RPTOR: variants seen among roughly 807,000 people sequenced by gnomAD.
RPTOR encodes the protein regulatory-associated protein of mTOR.
A neutral mutation model predicts 169.9 loss-of-function variants in RPTOR; 21 were observed. The observed-to-expected ratio is 0.12, with a 90% CI of 0.09 to 0.18. RPTOR has a LOEUF of 0.18. Among genes scored for constraint, RPTOR ranks in the 10% least tolerant of loss-of-function variants. The pLI is 1.00. For missense variants in RPTOR, 1,133 were observed against 1,855.9 expected (o/e 0.61, Z 7.16); for synonymous variants, 732 against 753.2 (o/e 0.97, Z 0.46).
At position 80,822,313 on chromosome 17, in the gene RPTOR, G is replaced by C; in HGVS notation, c.991+12G>C. On this transcript the variant is annotated intron_variant, in intron 8 of 33. Coordinates refer to ENST00000306801, the MANE Select transcript of RPTOR (RefSeq NM_020761.3). The stretch of plus-strand genomic sequence containing the variant: ...CGTGCTCCCCCGGGGTGAGGCGCGG[G>C]CCGGGCCTTGGGGAGGGAGGCTATG... 1 of 1,613,198 alleles carries C rather than the reference G, an allele frequency of 6.2e-7. No individual in the cohort carries two copies. Among genetic ancestry groups the C allele is most frequent in the Non-Finnish European group, 8.5e-7 (1 of 1,179,276 alleles).
intron 1 of RPTOR, among the ~76,000 whole-genome samples, chr17:80,613,969 A>G (rs1464454795): frequency 1.3e-5 from 2 of 152,376 alleles, no homozygotes; most frequent in South Asian, 2.1e-4. Flanking sequence ...GATCTTGGGA[A>G]GAAGGTTGGC....
intron 13 of RPTOR, among the ~76,000 whole-genome samples, chr17:80,866,837 C>T (rs538663241): frequency 2.6e-5 from 4 of 152,124 alleles, no homozygotes; most frequent in South Asian, 2.1e-4. Context: ...ACCTTGGCCT[C>T]CCAAAGTGCT....
chr17:80,833,660 G>A (rs911981345), intron 9 of RPTOR, among the ~76,000 whole-genome samples: 1 of 152,244 alleles, frequency 6.6e-6, no homozygotes, highest in Non-Finnish European at 1.5e-5. Context: ...ACAGATAAAT[G>A]TTCATTAGAG....
chr17:80,718,593 G>T (rs2066259093), intron 4 of RPTOR, among the ~76,000 whole-genome samples: 1 of 152,200 alleles, frequency 6.6e-6, no homozygotes, highest in Non-Finnish European at 1.5e-5. Flanking sequence ...AGAAGGCGGT[G>T]CTTGCTCGGG....
rs1448564549 is a variant in RPTOR at position 80,957,856 on chromosome 17, G to A, written c.3477+126G>A. ...CATCCCAGGGGTGGAGTCAGGGCCT[G>A]GGAGGACAGTGCCGGGACAATGCTG... On this transcript the variant is annotated intron_variant, in intron 29 of 33. Transcript: ENST00000306801. The surrounding 1 kb of genome is among the most constrained non-coding windows in gnomAD (Gnocchi z 4.6). 2 of 822,972 alleles carry A rather than the reference G, an allele frequency of 2.4e-6. No individual in the cohort carries two copies. Among genetic ancestry groups the A allele is most frequent in the Non-Finnish European group, 4.0e-6 (2 of 503,054 alleles). The allele number at this position is 822,972 out of a possible 1,614,324, so 51.0% of individuals were successfully genotyped here.
chr17:80,849,001 T>A (rs1178659723), intron 11 of RPTOR, among the ~76,000 whole-genome samples: 1 of 152,204 alleles, frequency 6.6e-6, no homozygotes, highest in Middle Eastern at 3.2e-3. Context: ...GAGGGTCTGT[T>A]TCCTGGCTGT....
chr17:80,649,576 C>A (rs2065623433), intron 3 of RPTOR, among the ~76,000 whole-genome samples: 1 of 152,072 alleles, frequency 6.6e-6, no homozygotes, highest in African/African-American at 2.4e-5. Context: ...TAATTCAGTA[C>A]CTGGTGTGAA....
intron 13 of RPTOR, among the ~76,000 whole-genome samples, chr17:80,875,047 G>A (rs181664687): frequency 6.6e-6 from 1 of 152,332 alleles, no homozygotes; most frequent in African/African-American, 2.4e-5. Context: ...TCATCATCCT[G>A]CCTCCTTATG....
chr17:80,578,956 T>C (rs1599569724), intron 1 of RPTOR, among the ~76,000 whole-genome samples: 1 of 152,260 alleles, frequency 6.6e-6, no homozygotes, highest in Non-Finnish European at 1.5e-5. Context: ...AGGTTTGAAC[T>C]TCATGTGGTA....
intron 10 of RPTOR, among the ~76,000 whole-genome samples, chr17:80,840,024 ATTGG>A (rs1165286447): frequency 6.6e-6 from 1 of 152,152 alleles, no homozygotes; most frequent in African/African-American, 2.4e-5. Flanking sequence ...TTTTAATCTT[ATTGG>A]AGGTGTAACT....
intron 22 of RPTOR, 32 bp downstream of exon 22, chr17:80,922,859 T>C: frequency 6.5e-7 from 1 of 1,528,256 alleles, no homozygotes. Context: ...TGCAGGTCCG[T>C]GGTGGTGACC....
Position 80,833,757 on chromosome 17 carries a change from C to T in RPTOR, c.1137-4165C>T, listed in dbSNP as rs140440545. Among the ~76,000 whole-genome samples the T allele has an allele frequency of 4.2e-3, 639 of 152,264 alleles. 2 individuals carry two copies. Among genetic ancestry groups the T allele is most frequent in the African/African-American group, 0.014 (593 of 41,566 alleles). ...GTAATCCCAGCACTTTGGGAGGCCA[C>T]GGCAGGCAGATCACCTGAGGTCAGG... is the stretch of plus-strand genomic sequence containing the variant. On this transcript the variant is annotated intron_variant, in intron 9 of 33. Coordinates refer to ENST00000306801, the MANE Select transcript of RPTOR (RefSeq NM_020761.3).
At chr17:80,632,334 C>T (rs1170957171) in intron 2 of RPTOR, among the ~76,000 whole-genome samples, 6 of 152,180 alleles carry the variant, frequency 3.9e-5, no homozygotes, top group Admixed American at 2.0e-4. Flanking sequence ...GCTCCGGGGA[C>T]GGGACGCGCA....
intron 20 of RPTOR, among the ~76,000 whole-genome samples, chr17:80,907,955 G>A (rs1364963501): frequency 6.6e-6 from 1 of 152,172 alleles, no homozygotes; most frequent in African/African-American, 2.4e-5. Flanking sequence ...GCCGCACGCT[G>A]TCGTGGACGT....
chr17:80,684,174 C>T (rs1441858028), intron 3 of RPTOR, among the ~76,000 whole-genome samples: 1 of 152,124 alleles, frequency 6.6e-6, no homozygotes, highest in Non-Finnish European at 1.5e-5. Context: ...GTTATTTGCA[C>T]TGTACTCAAG....
Position 80,671,585 on chromosome 17 carries a change from C to T in RPTOR, c.348+27775C>T, listed in dbSNP as rs147562615. Reference sequence around the variant, plus strand: ...AGTCGGTTGGGGAAGGGGGTCCACTCATATTACAAGGGGGATACTTTCAAA... The same window carrying T: ...AGTCGGTTGGGGAAGGGGGTCCACTTATATTACAAGGGGGATACTTTCAAA... On this transcript the variant is annotated intron_variant, in intron 3 of 33. Transcript: ENST00000306801. Among the ~76,000 whole-genome samples the T allele has an allele frequency of 3.4e-4, 51 of 152,220 alleles. 1 individual carries two copies. In the East Asian group the frequency reaches 8.5e-3, roughly 25 times the overall value.
chr17:80,923,240 G>A (rs998967697), intron 22 of RPTOR, among the ~76,000 whole-genome samples: 1 of 152,150 alleles, frequency 6.6e-6, no homozygotes, highest in African/African-American at 2.4e-5. Flanking sequence ...TCCTGTCCGC[G>A]CCACCTCCCA....
chr17:80,658,493 G>A (rs1226080242), intron 3 of RPTOR, among the ~76,000 whole-genome samples: 1 of 151,956 alleles, frequency 6.6e-6, no homozygotes, highest in Non-Finnish European at 1.5e-5. Context: ...TTCCCTCCCC[G>A]CACCCCCCTG....
rs547962409 is a variant in RPTOR, at chr17:80,711,192, T to C, written c.507+3193T>C. On this transcript the variant is annotated intron_variant, in intron 4 of 33. Coordinates refer to ENST00000306801, the MANE Select transcript of RPTOR (RefSeq NM_020761.3). ...GTGAGTGAGGTGCCTTCCTTTGCTCTTGGTGCTGGGTATATGTGCCTTCTC... is the reference window on the plus strand; with the variant it reads ...GTGAGTGAGGTGCCTTCCTTTGCTCCTGGTGCTGGGTATATGTGCCTTCTC... Among the ~76,000 whole-genome samples, 46 of 152,330 alleles carry C rather than the reference T, an allele frequency of 3.0e-4. No homozygotes were observed. In the South Asian group the frequency reaches 8.9e-3, roughly 29 times the overall value.
Sources: gnomAD v4.1 joint callset for allele counts (sites outside exome capture counted in the v4.1 genomes callset) on GRCh38, gnomAD v4.1.1 for gene constraint, Gnocchi (gnomAD v3.1) non-coding constraint, MANE v1.5 for transcripts, NCBI Gene and HGNC (gene_info 2026-07-23, HGNC 2026-07-21) for gene names.